CACNA1S: variants seen among roughly 807,000 people sequenced by gnomAD.
The protein encoded by CACNA1S is calcium voltage-gated channel subunit alpha1 S, also known as voltage-dependent L-type calcium channel subunit alpha-1S.
CACNA1S carries 126 observed loss-of-function variants against 207.4 expected under a neutral mutation model. That is an observed-to-expected ratio of 0.61 (90% CI 0.53 to 0.70). The LOEUF is 0.70. CACNA1S is among the 30% of genes least tolerant of loss of function. CACNA1S has a pLI of 0.00. For synonymous variants in CACNA1S, 960 were observed against 932.7 expected, an observed-to-expected ratio of 1.03 and a Z score of -0.53; for missense variants, 2,349 against 2,422.8, an observed-to-expected ratio of 0.97 and a Z score of 0.64.
intron 28 of CACNA1S, 126 bp from the exon 29 acceptor site, chr1:201,054,687 A>G: frequency 2.9e-5 from 6 of 204,662 alleles, no homozygotes; most frequent in South Asian, 1.2e-4. Context: ...AAAAAGAGGC[A>G]GGGGCTAAAG....
intron 12 of CACNA1S, 52 bp from the exon 13 acceptor site, chr1:201,075,667 T>C (rs1243927929): frequency 1.3e-6 from 2 of 1,599,598 alleles, no homozygotes; most frequent in Admixed American, 3.3e-5. Flanking sequence ...CCTGAGAGTC[T>C]TCTATTGGGA....
intron 19 of CACNA1S, among the ~76,000 whole-genome samples, chr1:201,067,781 C>T (rs1661301286): frequency 6.6e-6 from 1 of 152,164 alleles, no homozygotes; most frequent in Admixed American, 6.5e-5. Context: ...GCTCTCGTGC[C>T]CCAAACTCCA....
At chr1:201,071,601 C>T (rs1661437296) in intron 16 of CACNA1S, among the ~76,000 whole-genome samples, 1 of 152,158 alleles carries the variant, frequency 6.6e-6, no homozygotes, top group Admixed American at 6.5e-5. Flanking sequence ...AGACTCTCTT[C>T]CTGCTGTCCA....
intron 11 of CACNA1S, 42 bp from the exon 12 acceptor site, chr1:201,077,169 C>T: frequency 6.5e-7 from 1 of 1,542,940 alleles, no homozygotes; most frequent in Non-Finnish European, 9.0e-7. Flanking sequence ...GACAGACCCT[C>T]TCACTGGGGC....
chr1:201,093,988 A>C lies in CACNA1S; in HGVS notation c.292T>G (p.Ser98Ala), dbSNP rs1196937008. Reference sequence around the variant, plus strand: ...ATGATCTTCATGGCGGCTTCAATCGAGAAGACAATGAGGAAGAAATACTCC... The same window carrying C: ...ATGATCTTCATGGCGGCTTCAATCGCGAAGACAATGAGGAAGAAATACTCC... ...KLEYFFLIVF[S>A]IEAAMKIIAY... The change falls in exon 3 of 44, where the codon TCG becomes GCG. Residue 98 changes from serine to alanine, a missense_variant. Ser to Ala is a moderately conservative substitution (Grantham distance 99). Transcript: ENST00000362061. 6.2e-7 allele frequency: 1 copy of C among 1,614,208 alleles called. No individual in the cohort carries two copies. Among genetic ancestry groups the C allele is most frequent in the Non-Finnish European group, 8.5e-7 (1 of 1,180,050 alleles).
At chr1:201,064,216 C>A (rs1661161475) in intron 22 of CACNA1S, among the ~76,000 whole-genome samples, 1 of 152,190 alleles carries the variant, frequency 6.6e-6, no homozygotes, top group African/African-American at 2.4e-5. Flanking sequence ...GACACAGACA[C>A]TGCCCTCAGG....
Position 201,047,190 on chromosome 1 carries a change from C to T in CACNA1S, c.4593G>A (p.Glu1531=), listed in dbSNP as rs1221360815. 11 of 1,614,178 alleles carry T rather than the reference C, an allele frequency of 6.8e-6. No homozygotes were observed. The highest frequency in any genetic ancestry group is 1.3e-5 in the African/African-American group (1 of 75,046). The change falls in exon 38 of 44, where the codon GAG becomes GAA. Residue 1531 remains glutamate, a synonymous_variant. Transcript: ENST00000362061. ...GGCGTTTCATGAACTTCCGGAAGTG[C>T]TCCTGGATGAGGAATGTGGCGTAGA... ...GKFYATFLIQ[E]HFRKFMKRQE... is the part of the protein sequence containing the mutation.
At position 201,077,037 on chromosome 1, in the gene CACNA1S, G is replaced by A. The variant is rs1661650142; in HGVS notation, c.1710C>T (p.Ile570=). 13 of 1,614,226 alleles carry A rather than the reference G, an allele frequency of 8.1e-6. No homozygotes were observed. The highest frequency in any genetic ancestry group is 1.7e-4 in the Middle Eastern group (1 of 6,060). ...GCATGCCCAGGAGGGCGAAGATGAC[G>A]ATGAAGAGGAAGAGCAGCAGCAGCA... is the stretch of plus-strand genomic sequence containing the variant. ...ASLLLLLFLF[I]VIFALLGMQL... Residue 570 remains isoleucine, a synonymous_variant, in exon 12 of 44, where the codon ATC becomes ATT. Transcript: ENST00000362061.
chr1:201,101,523 G>A (rs1449367780), intron 2 of CACNA1S, among the ~76,000 whole-genome samples: 1 of 152,258 alleles, frequency 6.6e-6, no homozygotes, highest in Non-Finnish European at 1.5e-5. Flanking sequence ...TACCTGAGCT[G>A]CAGGGGTCCC....
At chr1:201,050,037 G>A (rs969148316) in intron 34 of CACNA1S, among the ~76,000 whole-genome samples, 1 of 152,202 alleles carries the variant, frequency 6.6e-6, no homozygotes, top group African/African-American at 2.4e-5. Context: ...CAGCCTGGGA[G>A]GGGCCTGCGA....
rs1558075630 is a variant in CACNA1S, at chr1:201,083,286, C to T, written c.1269G>A (p.Trp423Ter). Residue 423 changes from tryptophan (W) to a stop codon, truncating the protein, a stop_gained, in exon 10 of 44, where the codon TGG becomes TGA. Transcript: ENST00000362061. LOFTEE classifies it high-confidence loss of function. ...HWRQWNRIFR[W>*]KCHDIVKSKV... ...TGGACTTCACGATGTCATGGCACTTCCAGCGAAAGATGCGGTTCCACTGCC... is the reference window on the plus strand; with the variant it reads ...TGGACTTCACGATGTCATGGCACTTTCAGCGAAAGATGCGGTTCCACTGCC... 1 of 1,614,216 alleles carries T rather than the reference C, an allele frequency of 6.2e-7. No homozygotes were observed.
intron 24 of CACNA1S, 37 bp downstream of exon 24, chr1:201,061,907 A>G (rs761781490): frequency 3.7e-6 from 6 of 1,613,386 alleles, no homozygotes; most frequent in Non-Finnish European, 5.1e-6. Flanking sequence ...CTACCTGACC[A>G]TGTCCATGAG....
At position 201,097,087 on chromosome 1, in the gene CACNA1S, G is replaced by A. The variant is rs556489882; in HGVS notation, c.259-3066C>T. Among the ~76,000 whole-genome samples the A allele has an allele frequency of 5.3e-5, 8 of 151,880 alleles. No homozygotes were observed. The East Asian group carries it at 5.8e-4, about 11-fold the overall frequency. The stretch of plus-strand genomic sequence containing the variant: ...ACTCCTCCTCCCTCTTGCTCTCCCC[G>A]GGTCCCAGTGTCCAGCAGGTCCGGG... On this transcript the variant is annotated intron_variant, in intron 2 of 43. Coordinates refer to ENST00000362061, the MANE Select transcript of CACNA1S (RefSeq NM_000069.3).
At chr1:201,075,057 T>C (rs927885829) in intron 13 of CACNA1S, among the ~76,000 whole-genome samples, 1 of 152,000 alleles carries the variant, frequency 6.6e-6, no homozygotes, top group Non-Finnish European at 1.5e-5. Flanking sequence ...TCATATCTGC[T>C]CCTCTCATCT....
At chr1:201,110,079 C>A (rs910228311) in intron 2 of CACNA1S, 85 bp downstream of exon 2, 2 of 1,219,494 alleles carry the variant, frequency 1.6e-6, no homozygotes, top group East Asian at 2.3e-5. Flanking sequence ...CCGGCACCAT[C>A]CCCCAGAACA....
chr1:201,056,124 C>T (rs1299430975), intron 28 of CACNA1S, among the ~76,000 whole-genome samples: 1 of 145,828 alleles, frequency 6.9e-6, no homozygotes, highest in East Asian at 2.2e-4. Context: ...GCTCAGAGCC[C>T]ACCCTGCCCC....
intron 7 of CACNA1S, 103 bp from the exon 8 acceptor site, chr1:201,085,684 GCTC>G (rs1662015449): frequency 2.1e-6 from 3 of 1,406,456 alleles, no homozygotes. Flanking sequence ...TGACTGGAGC[GCTC>G]CTTTTTCTGG....
chr1:201,066,820 C>T lies in CACNA1S; in HGVS notation c.2657+67G>A. 8.3e-7 allele frequency: 1 copy of T among 1,209,480 alleles called. No homozygotes were observed. Among genetic ancestry groups the T allele is most frequent in the Non-Finnish European group, 1.2e-6 (1 of 827,376 alleles). The allele number at this position is 1,209,480 out of a possible 1,614,324, so 74.9% of individuals were successfully genotyped here. ...GGCCCACCAACATGGGTGGGACTCCCACTACAAAGCCCTGGCACAGAGCAG... is the reference window on the plus strand; with the variant it reads ...GGCCCACCAACATGGGTGGGACTCCTACTACAAAGCCCTGGCACAGAGCAG... On this transcript the variant is annotated intron_variant, in intron 20 of 43. Coordinates refer to ENST00000362061, the MANE Select transcript of CACNA1S (RefSeq NM_000069.3). This position sits in a 1 kb window ranked among gnomAD's most constrained non-coding sequence, Gnocchi z 4.3.
chr1:201,079,119 CA>C (rs149794288), intron 10 of CACNA1S, among the ~76,000 whole-genome samples: 42 of 125,358 alleles, frequency 3.4e-4, no homozygotes, highest in South Asian at 3.3e-3. Flanking sequence ...GACTCCATCT[CA>C]AAAAAAAAAA....
Sources: allele counts gnomAD v4.1 joint callset (sites outside exome capture counted in the v4.1 genomes callset), GRCh38; gene constraint gnomAD v4.1.1; non-coding constraint Gnocchi (gnomAD v3.1); transcripts MANE v1.5; gene names NCBI Gene and HGNC (gene_info 2026-07-23, HGNC 2026-07-21).